The following VWA3A variants were observed in gnomAD, a reference collection of about 807,000 sequenced individuals.
The protein encoded by VWA3A is von Willebrand factor A domain-containing protein 3A.
In VWA3A, 134 loss-of-function variants were observed where a neutral mutation model predicts 160.4. The ratio of observed to expected loss-of-function variants is 0.84; its 90% CI spans 0.73 to 0.96. VWA3A has a LOEUF of 0.96. Among genes scored for constraint, VWA3A ranks in the 40% least tolerant of loss-of-function variants. VWA3A has a pLI of 0.00. For missense variants in VWA3A, 1,310 were observed against 1,447.9 expected (o/e 0.90, Z 1.55); for synonymous variants, 476 against 543.4 (o/e 0.88, Z 1.72).
Position 22,103,530 on chromosome 16 carries a change from G to T in VWA3A, c.483+1G>T. 6.4e-7 allele frequency: 1 copy of T among 1,551,712 alleles called. No individual in the cohort carries two copies. Among genetic ancestry groups the T allele is most frequent in the Non-Finnish European group, 8.7e-7 (1 of 1,146,952 alleles). ...GTGGCTCACAGAAAACAGCAAGAAGGTAACGGGCATAGATTTCATTCTTTG... is the reference window on the plus strand; with the variant it reads ...GTGGCTCACAGAAAACAGCAAGAAGTTAACGGGCATAGATTTCATTCTTTG... On this transcript the variant is annotated splice_donor_variant, in intron 6 of 33. Coordinates refer to ENST00000389398, the MANE Select transcript of VWA3A (RefSeq NM_173615.5). LOFTEE classifies it high-confidence loss of function.
intron 32 of VWA3A, 23 bp downstream of exon 32, chr16:22,155,687 C>A: frequency 6.2e-7 from 1 of 1,611,752 alleles, no homozygotes; most frequent in Non-Finnish European, 8.5e-7. Context: ...CGCAGCCTCT[C>A]CGGCCTGCCA....
chr16:22,144,267 CA>C lies in VWA3A; in HGVS notation c.2619del (p.Lys873AsnfsTer2), dbSNP rs1567222967. 6.2e-7 allele frequency: 1 copy of C among 1,612,444 alleles called. No homozygotes were observed. The highest frequency in any genetic ancestry group is 8.5e-7 in the Non-Finnish European group (1 of 1,179,426). On this transcript the variant is annotated frameshift_variant, in exon 26 of 34. Coordinates refer to ENST00000389398, the MANE Select transcript of VWA3A (RefSeq NM_173615.5). LOFTEE classifies it high-confidence loss of function. Reference sequence around the variant, plus strand: ...TAAAGTGGGTGGCAAAATATGGGCTCAAAAAATTGAAGCTGGAGATTTCCAG... The same window carrying C: ...TAAAGTGGGTGGCAAAATATGGGCTCAAAAATTGAAGCTGGAGATTTCCAG... ...SQEWVAKYGL[K>X]KLKLEISRCM...
At chr16:22,154,960 C>CAAAAAAAAAAAAAAAAAAAAAAAA (rs747770335) in intron 31 of VWA3A, among the ~76,000 whole-genome samples, 1 of 54,448 alleles carries the variant, frequency 1.8e-5, no homozygotes, top group Non-Finnish European at 3.8e-5. Flanking sequence ...GACTCCGTCT[C>CAAAAAAAAAAAAAAAAAAAAAAAA]AAAAAAAAAA....
intron 13 of VWA3A, 80 bp from the exon 14 acceptor site, chr16:22,121,434 A>C: frequency 1.7e-6 from 2 of 1,179,886 alleles, no homozygotes; most frequent in South Asian, 2.5e-5. Context: ...ACAGAGCAAA[A>C]CCCTGTCTCA....
intron 8 of VWA3A, 69 bp from the exon 9 acceptor site, chr16:22,115,278 A>C: frequency 6.8e-7 from 1 of 1,476,732 alleles, no homozygotes; most frequent in Non-Finnish European, 9.0e-7. Flanking sequence ...CTTATCTCTA[A>C]AAAGAAATTA....
intron 3 of VWA3A, among the ~76,000 whole-genome samples, chr16:22,099,123 C>G (rs915415589): frequency 1.3e-5 from 2 of 151,314 alleles, no homozygotes; most frequent in African/African-American, 2.4e-5. Context: ...GTACCATGCT[C>G]GGTGTTTCCA....
chr16:22,134,782 T>C (rs1417866242), intron 21 of VWA3A, among the ~76,000 whole-genome samples: 1 of 152,162 alleles, frequency 6.6e-6, no homozygotes, highest in East Asian at 1.9e-4. Context: ...CAACTCTAAA[T>C]AATAGCAAAG....
At chr16:22,112,222 C>T (rs911775350) in intron 8 of VWA3A, among the ~76,000 whole-genome samples, 2 of 152,044 alleles carry the variant, frequency 1.3e-5, no homozygotes, top group African/African-American at 4.8e-5. Flanking sequence ...AATTTATTTT[C>T]CGTGAAGGGA....
intron 5 of VWA3A, among the ~76,000 whole-genome samples, chr16:22,101,469 C>A (rs149573083): frequency 2.6e-5 from 4 of 152,104 alleles, no homozygotes; most frequent in East Asian, 3.8e-4. Flanking sequence ...AAGACATACC[C>A]GAGACTGGGC....
intron 12 of VWA3A, among the ~76,000 whole-genome samples, chr16:22,120,220 G>T (rs2045709303): frequency 6.6e-6 from 1 of 152,088 alleles, no homozygotes; most frequent in Admixed American, 6.5e-5. Context: ...ATTGAACCCA[G>T]GTCTAAGGCC....
intron 6 of VWA3A, 92 bp from the exon 7 acceptor site, chr16:22,109,390 A>T (rs2045523136): frequency 9.5e-7 from 1 of 1,047,992 alleles, no homozygotes; most frequent in African/African-American, 1.6e-5. Context: ...GGGTGAGGAA[A>T]GTGTTTGCAT....
intron 18 of VWA3A, 21 bp from the exon 19 acceptor site, chr16:22,131,564 T>C (rs2045948965): frequency 1.9e-6 from 3 of 1,608,146 alleles, no homozygotes; most frequent in Admixed American, 1.7e-5. Flanking sequence ...ACCCTCAGCA[T>C]GGCCATCTCT....
intron 6 of VWA3A, among the ~76,000 whole-genome samples, chr16:22,108,384 T>C (rs1036667643): frequency 1.1e-4 from 16 of 152,220 alleles, no homozygotes; most frequent in African/African-American, 3.6e-4. Context: ...AAGTCAAATG[T>C]TAGCCTAGAC....
chr16:22,140,105 C>T (rs778562148), intron 22 of VWA3A, 49 bp from the exon 23 acceptor site: 59 of 1,566,592 alleles, frequency 3.8e-5, no homozygotes, highest in South Asian at 1.9e-4. Flanking sequence ...TGGGATCCTG[C>T]GTGACACAGG....
rs916937037 is a variant in VWA3A at position 22,121,763 on chromosome 16, T to C, written c.1356+146T>C. The C allele has an allele frequency of 4.5e-5, 29 of 646,550 alleles. No homozygotes were observed. The African/African-American group carries it at 4.9e-4, about 11-fold the overall frequency. The allele number at this position is 646,550 out of a possible 1,614,324, so 40.1% of individuals were successfully genotyped here. The stretch of plus-strand genomic sequence containing the variant: ...CCTAGAATGCACATCAAATCCACTG[T>C]AGCTGTTGGTTTTCAAAGATCTGAA... On this transcript the variant is annotated intron_variant, in intron 14 of 33. Coordinates refer to ENST00000389398, the MANE Select transcript of VWA3A (RefSeq NM_173615.5).
At chr16:22,138,597 C>T (rs2046087264) in intron 22 of VWA3A, 85 bp downstream of exon 22, 2 of 1,548,304 alleles carry the variant, frequency 1.3e-6, no homozygotes, top group South Asian at 2.4e-5. Context: ...ATGGCTGGGG[C>T]CAGCAGGGAT....
chr16:22,152,097 G>C (rs1359241009), intron 30 of VWA3A, among the ~76,000 whole-genome samples: 1 of 152,204 alleles, frequency 6.6e-6, no homozygotes, highest in East Asian at 1.9e-4. Flanking sequence ...TGTAGTCCCA[G>C]CTACTCAGGA....
chr16:22,102,410 A>G (rs1161704478), intron 5 of VWA3A, among the ~76,000 whole-genome samples: 2 of 152,108 alleles, frequency 1.3e-5, no homozygotes, highest in Non-Finnish European at 1.5e-5. Context: ...TTCATAACTC[A>G]TGTATCCCTT....
At chr16:22,115,667 T>TA (rs560660662) in intron 9 of VWA3A, among the ~76,000 whole-genome samples, 195 bp downstream of exon 9, 12,364 of 140,152 alleles carry the variant, frequency 0.088, 1,064 homozygotes, top group African/African-American at 0.24. Flanking sequence ...CCCTATCTCT[T>TA]AAAAAAAAAA....
Sources: allele counts gnomAD v4.1 joint callset (sites outside exome capture counted in the v4.1 genomes callset), GRCh38; gene constraint gnomAD v4.1.1; transcripts MANE v1.5; gene names NCBI Gene and HGNC (gene_info 2026-07-23, HGNC 2026-07-21).